RAP1GAP2: variants seen among roughly 807,000 people sequenced by gnomAD.
RAP1GAP2 encodes the protein rap1 GTPase-activating protein 2.
A neutral mutation model predicts 95.0 loss-of-function variants in RAP1GAP2; 27 were observed. The observed-to-expected ratio is 0.28, with a 90% CI of 0.21 to 0.39. The LOEUF (loss-of-function observed/expected upper bound fraction) is 0.39. Ranked by LOEUF, RAP1GAP2 falls within the 10% of genes least tolerant of loss-of-function variation. The pLI is 1.00. For synonymous variants in RAP1GAP2, 373 were observed against 380.9 expected, an observed-to-expected ratio of 0.98 and a Z score of 0.24; for missense variants, 771 against 970.0, an observed-to-expected ratio of 0.79 and a Z score of 2.72.
intron 3 of RAP1GAP2, among the ~76,000 whole-genome samples, chr17:2,933,327 G>T (rs1435535773): frequency 1.3e-5 from 2 of 152,140 alleles, no homozygotes; most frequent in Non-Finnish European, 2.9e-5. Context: ...AACCTTGCCT[G>T]GGGGGCAGAG....
intron 2 of RAP1GAP2, among the ~76,000 whole-genome samples, chr17:2,878,900 A>G (rs2073188404): frequency 6.6e-6 from 1 of 152,194 alleles, no homozygotes; most frequent in Non-Finnish European, 1.5e-5. Flanking sequence ...CATCCGTGTG[A>G]TGGGGTAATA....
In RAP1GAP2 at chr17:3,004,570, C is replaced by A. The variant is rs914029755; in HGVS notation, c.1201-799C>A. 2.6e-5 allele frequency among the ~76,000 whole-genome samples: 4 copies of A among 152,356 alleles called. No individual in the cohort carries two copies. In the South Asian group the frequency reaches 8.3e-4, roughly 32 times the overall value. On this transcript the variant is annotated intron_variant, in intron 14 of 24. Coordinates refer to ENST00000254695, the MANE Select transcript of RAP1GAP2 (RefSeq NM_015085.5). The surrounding 1 kb of genome is among the most constrained non-coding windows in gnomAD (Gnocchi z 4.1). ...TGCAGAGGGAAGGCGGGGTGTGGGG[C>A]CCGTCCCACGCCTGGGCGACCCCCA...
chr17:2,937,529 AG>A (rs1225052639), intron 3 of RAP1GAP2, among the ~76,000 whole-genome samples: 3 of 152,198 alleles, frequency 2.0e-5, no homozygotes, highest in Non-Finnish European at 4.4e-5. Context: ...GAGATGAGCC[AG>A]GCCAGCAGCA....
intron 8 of RAP1GAP2, among the ~76,000 whole-genome samples, chr17:2,971,483 C>T (rs1214314736): frequency 6.6e-6 from 1 of 151,992 alleles, no homozygotes; most frequent in African/African-American, 2.4e-5. Flanking sequence ...GCCTGTAATC[C>T]CAGCGTTTTG....
At chr17:2,886,481 T>G (rs141344816) in intron 2 of RAP1GAP2, among the ~76,000 whole-genome samples, 47 of 152,242 alleles carry the variant, frequency 3.1e-4, no homozygotes, top group African/African-American at 1.1e-3. Flanking sequence ...CCATATGTAT[T>G]TATATTTACA....
intron 17 of RAP1GAP2, among the ~76,000 whole-genome samples, chr17:3,013,286 A>G (rs150601788): frequency 5.4e-4 from 82 of 152,314 alleles, no homozygotes; most frequent in Non-Finnish European, 9.7e-4. Context: ...GGGCCCCGCC[A>G]AGAATCCTTG....
At position 3,006,526 on chromosome 17, in the gene RAP1GAP2, C is replaced by T. The variant is rs566642071; in HGVS notation, c.1359+485C>T. Among the ~76,000 whole-genome samples the T allele has an allele frequency of 7.3e-5, 11 of 151,554 alleles. No homozygotes were observed. In the South Asian group the frequency reaches 8.3e-4, roughly 11 times the overall value. ...TTGGCTCACTGCAAGCTCTGCCTCC[C>T]GGGTTCACACCATACTCCTGCCTCA... On this transcript the variant is annotated intron_variant, in intron 16 of 24. Transcript: ENST00000254695.
chr17:2,858,891 A>C (rs1231324202), intron 2 of RAP1GAP2, among the ~76,000 whole-genome samples: 1 of 151,954 alleles, frequency 6.6e-6, no homozygotes, highest in Admixed American at 6.6e-5. Context: ...CAGCCTGGGC[A>C]ACAGGAAAAA....
At chr17:2,946,229 A>G (rs1240445482) in intron 3 of RAP1GAP2, among the ~76,000 whole-genome samples, 1 of 152,226 alleles carries the variant, frequency 6.6e-6, no homozygotes, top group Non-Finnish European at 1.5e-5. Context: ...CCATAAAGAT[A>G]CTGGCCTGTA....
intron 2 of RAP1GAP2, among the ~76,000 whole-genome samples, chr17:2,889,889 A>ATATTTTTTTT (rs1408426152): frequency 0.022 from 1,237 of 56,912 alleles, 36 homozygotes; most frequent in Admixed American, 0.026. Flanking sequence ...ATATATATAT[A>ATATTTTTTTT]TTTTTTTTTT....
chr17:3,010,675 G>T (rs2046502016), intron 17 of RAP1GAP2, among the ~76,000 whole-genome samples: 1 of 152,144 alleles, frequency 6.6e-6, no homozygotes, highest in South Asian at 2.1e-4. Flanking sequence ...GGGGTCTGAC[G>T]TATTCCTAGA....
intron 3 of RAP1GAP2, among the ~76,000 whole-genome samples, chr17:2,934,958 G>C (rs970844437): frequency 1.3e-5 from 2 of 152,132 alleles, no homozygotes; most frequent in Non-Finnish European, 2.9e-5. Flanking sequence ...CAGCTGAGGG[G>C]CTTCAGAAAA....
rs2047474019 is a variant in RAP1GAP2 at position 3,036,690 on chromosome 17, C to T, written c.*3329C>T. ...GCCAGGGAAAAAGATGCTGTTCACCCACCCTCAGCTTCCCTTTTCCTAAAT... is the reference window on the plus strand; with the variant it reads ...GCCAGGGAAAAAGATGCTGTTCACCTACCCTCAGCTTCCCTTTTCCTAAAT... On this transcript the variant is annotated 3_prime_UTR_variant, in exon 25 of 25. Transcript: ENST00000254695. 6.6e-6 allele frequency: 1 copy of T among 152,388 alleles called. No individual in the cohort carries two copies. Among genetic ancestry groups the T allele is most frequent in the Admixed American group, 6.5e-5 (1 of 15,286 alleles). 9.4% of individuals were successfully genotyped at this position (152,388 alleles called of 1,614,324 possible).
chr17:2,947,788 G>A (rs2043759781), intron 3 of RAP1GAP2, among the ~76,000 whole-genome samples: 1 of 152,080 alleles, frequency 6.6e-6, no homozygotes, highest in African/African-American at 2.4e-5. Flanking sequence ...CCCAGGGCGT[G>A]CCCTGTTTCC....
chr17:2,809,218 G>C (rs1454255357), intron 2 of RAP1GAP2, among the ~76,000 whole-genome samples: 1 of 152,214 alleles, frequency 6.6e-6, no homozygotes, highest in Non-Finnish European at 1.5e-5. Context: ...AGGTCTTGTG[G>C]GTATCTGCTG....
intron 3 of RAP1GAP2, among the ~76,000 whole-genome samples, chr17:2,944,625 T>C (rs1397426480): frequency 1.3e-5 from 2 of 152,250 alleles, no homozygotes; most frequent in African/African-American, 4.8e-5. Context: ...GGATGGAATT[T>C]CCCTATCAAA....
rs1206099347 is a variant in RAP1GAP2, at chr17:3,027,805, G to A, written c.2107+735G>A. Among the ~76,000 whole-genome samples, 4 of 145,646 alleles carry A rather than the reference G, an allele frequency of 2.7e-5. No individual in the cohort carries two copies. Among genetic ancestry groups the A allele is most frequent in the African/African-American group, 5.0e-5 (2 of 40,058 alleles). On this transcript the variant is annotated intron_variant, in intron 22 of 24. Transcript: ENST00000254695. This position sits in a 1 kb window ranked among gnomAD's most constrained non-coding sequence, Gnocchi z 5.2. ...GGATGGAGGGGAGGGGAGAGGAGGG[G>A]AGGGGAGCTGCGGCAGAAGCACCTC...
At chr17:2,920,010 CTTTTT>C (rs34848214) in intron 3 of RAP1GAP2, among the ~76,000 whole-genome samples, 14 of 116,960 alleles carry the variant, frequency 1.2e-4, no homozygotes, top group African/African-American at 3.7e-4. Flanking sequence ...CTCCTTTTTT[CTTTTT>C]TTTTTTTTTT....
At chr17:2,799,860 C>A (rs1411108996) in intron 1 of RAP1GAP2, among the ~76,000 whole-genome samples, 1 of 152,180 alleles carries the variant, frequency 6.6e-6, no homozygotes, top group Non-Finnish European at 1.5e-5. Flanking sequence ...CGCTGTCTCC[C>A]CTTCCAGTGA....
Sources: gnomAD v4.1 joint callset for allele counts (sites outside exome capture counted in the v4.1 genomes callset) on GRCh38, gnomAD v4.1.1 for gene constraint, Gnocchi (gnomAD v3.1) non-coding constraint, MANE v1.5 for transcripts, NCBI Gene and HGNC (gene_info 2026-07-23, HGNC 2026-07-21) for gene names.